The following KLC1 variants were observed in gnomAD, a reference collection of about 807,000 sequenced individuals.
KLC1 encodes kinesin light chain 1.
A neutral mutation model predicts 84.2 loss-of-function variants in KLC1; 30 were observed. That is an observed-to-expected ratio of 0.36 (90% CI 0.27 to 0.48). The LOEUF is 0.48. KLC1 is among the 20% of genes least tolerant of loss of function. The pLI is 0.99. For synonymous variants in KLC1, 289 were observed against 293.3 expected (o/e 0.99, Z 0.15); for missense variants, 499 against 805.4 (o/e 0.62, Z 4.60).
chr14:103,696,816 G>C (rs1260620577), intron 15 of KLC1: 10 of 985,406 alleles, frequency 1.0e-5, no homozygotes, highest in Non-Finnish European at 1.2e-5. Flanking sequence ...TTCAGGGCAA[G>C]ACCCATGGCC....
At chr14:103,650,820 C>G (rs1003575507) in intron 1 of KLC1, among the ~76,000 whole-genome samples, 2 of 151,880 alleles carry the variant, frequency 1.3e-5, no homozygotes, top group African/African-American at 2.4e-5. Context: ...CCTAAGTGAT[C>G]TGCTTACCTG....
intron 1 of KLC1, among the ~76,000 whole-genome samples, chr14:103,640,783 G>C (rs1053241410): frequency 1.3e-5 from 2 of 152,120 alleles, no homozygotes; most frequent in Non-Finnish European, 2.9e-5. Context: ...AATAGTTACA[G>C]ATTTACAGAA....
At chr14:103,697,628 A>C (rs1160686523) in intron 15 of KLC1, 8 of 152,218 alleles carry the variant, frequency 5.3e-5, no homozygotes, top group Non-Finnish European at 4.4e-5. Flanking sequence ...GCATCCATTG[A>C]ACATTTATTT....
At chr14:103,678,846 G>T (rs1390648215) in intron 12 of KLC1, among the ~76,000 whole-genome samples, 1 of 152,116 alleles carries the variant, frequency 6.6e-6, no homozygotes, top group Non-Finnish European at 1.5e-5. Flanking sequence ...TACTGAAGAT[G>T]ATATACAGAT....
chr14:103,670,680 A>ACC (rs1426844500), intron 7 of KLC1, among the ~76,000 whole-genome samples: 77 of 152,000 alleles, frequency 5.1e-4, no homozygotes, highest in Non-Finnish European at 4.6e-4. Context: ...GTTTTGAGAA[A>ACC]TAACCACTGT....
At chr14:103,641,846 A>C (rs1010378722) in intron 1 of KLC1, among the ~76,000 whole-genome samples, 4 of 152,062 alleles carry the variant, frequency 2.6e-5, no homozygotes, top group Admixed American at 6.6e-5. Context: ...GGTCTTGAAC[A>C]CCTGAGCTCA....
At chr14:103,664,404 G>A (rs1245591467) in intron 5 of KLC1, among the ~76,000 whole-genome samples, 2 of 151,816 alleles carry the variant, frequency 1.3e-5, no homozygotes, top group East Asian at 1.9e-4. Context: ...CTTCTGTCTC[G>A]GCCTCCCAAA....
At chr14:103,663,345 G>C (rs1372605713) in intron 5 of KLC1, among the ~76,000 whole-genome samples, 1 of 152,132 alleles carries the variant, frequency 6.6e-6, no homozygotes, top group African/African-American at 2.4e-5. Flanking sequence ...CTCCCAAAAC[G>C]CTGGGATTAC....
chr14:103,629,668 C>T (rs1489640248), intron 1 of KLC1, among the ~76,000 whole-genome samples, 174 bp downstream of exon 1: 4 of 152,078 alleles, frequency 2.6e-5, no homozygotes, highest in African/African-American at 9.7e-5. Flanking sequence ...CCCAGTTCAC[C>T]GCCCCGGCCG....
At position 103,693,310 on chromosome 14, in the gene KLC1, T is replaced by A. The variant is rs2082225301; in HGVS notation, c.1848+885T>A. ...GAGGCTTGTAGGGTGCTGGACATGT[T>A]GCTTGAAGCACCCCTAATGACAAGA... is the stretch of plus-strand genomic sequence containing the variant. On this transcript the variant is annotated intron_variant, in intron 15 of 16. Coordinates refer to ENST00000334553, the MANE Select transcript of KLC1 (RefSeq NM_001394837.1). This position sits in a 1 kb window ranked among gnomAD's most constrained non-coding sequence, Gnocchi z 5.1. Among the ~76,000 whole-genome samples the A allele has an allele frequency of 6.6e-6, 1 of 152,088 alleles. No homozygotes were observed. Among genetic ancestry groups the A allele is most frequent in the Non-Finnish European group, 1.5e-5 (1 of 68,012 alleles).
In KLC1 at chr14:103,700,034, C is replaced by T. The variant is rs935159827; in HGVS notation, c.1849-621C>T. 10 of 267,680 alleles carry T rather than the reference C, an allele frequency of 3.7e-5. No homozygotes were observed. In the East Asian group the frequency reaches 6.5e-4, roughly 17 times the overall value. 16.6% of individuals were successfully genotyped at this position (267,680 alleles called of 1,614,324 possible). A position where few individuals can be genotyped will look rare whatever the true frequency, so the allele number is the denominator to read the frequency against. On this transcript the variant is annotated intron_variant, in intron 15 of 16. Transcript: ENST00000334553. ...GGCCACAGTGCCACCAAAGCCAGCC[C>T]GTGGTGGCCATGACCTCTTCAGACG...
chr14:103,670,317 ATTT>A (rs751576156), intron 7 of KLC1, 34 bp downstream of exon 7: 1 of 1,428,836 alleles, frequency 7.0e-7, no homozygotes, highest in South Asian at 1.2e-5. Context: ...TTTCTTTGAG[ATTT>A]TTGTTTTGTG....
At chr14:103,655,658 G>T (rs2078779992) in intron 2 of KLC1, among the ~76,000 whole-genome samples, 1 of 151,506 alleles carries the variant, frequency 6.6e-6, no homozygotes, top group South Asian at 2.1e-4. Flanking sequence ...GCCCAGGCTG[G>T]AGTGCAATGG....
intron 1 of KLC1, among the ~76,000 whole-genome samples, chr14:103,653,755 G>T (rs998998063): frequency 6.6e-6 from 1 of 152,160 alleles, no homozygotes; most frequent in Non-Finnish European, 1.5e-5. Context: ...CTGTCACTGT[G>T]CCGAAAAAGA....
chr14:103,678,663 C>T (rs915582743), intron 12 of KLC1, among the ~76,000 whole-genome samples: 1 of 150,954 alleles, frequency 6.6e-6, no homozygotes, highest in African/African-American at 2.4e-5. Context: ...GCACTCCAGT[C>T]TGGGCAACAG....
At chr14:103,686,263 C>T in intron 13 of KLC1, 1 of 978,848 alleles carries the variant, frequency 1.0e-6, no homozygotes. Flanking sequence ...TAGAACTTCT[C>T]ACTCTTTATC....
intron 13 of KLC1, among the ~76,000 whole-genome samples, chr14:103,681,840 G>A (rs765264556): frequency 2.0e-5 from 3 of 152,122 alleles, no homozygotes; most frequent in Non-Finnish European, 4.4e-5. Flanking sequence ...CAGTAAAAGG[G>A]GCCCATTTTA....
At position 103,675,707 on chromosome 14, in the gene KLC1, A is replaced by G. The variant is rs779752424; in HGVS notation, c.1330A>G (p.Thr444Ala). 18 of 1,613,376 alleles carry G rather than the reference A, an allele frequency of 1.1e-5. No homozygotes were observed. Among genetic ancestry groups the G allele is most frequent in the Non-Finnish European group, 1.4e-5 (17 of 1,179,486 alleles). Residue 444 changes from threonine (T) to alanine (A), a missense_variant, in exon 11 of 17, where the codon ACA becomes GCA. This residue lies in a region of KLC1 where 153 missense variants were observed against 332.4 expected (regional missense o/e 0.46). Coordinates refer to ENST00000334553, the MANE Select transcript of KLC1 (RefSeq NM_001394837.1). ...AATTTAGGGAAAGCAAAAGGATGGGACATCTTTTGGAGAGTATGGCGGCTG... is the reference window on the plus strand; with the variant it reads ...AATTTAGGGAAAGCAAAAGGATGGGGCATCTTTTGGAGAGTATGGCGGCTG... ...EECKGKQKDG[T>A]SFGEYGGWYK...
intron 1 of KLC1, among the ~76,000 whole-genome samples, chr14:103,631,122 C>T (rs2076646771): frequency 6.6e-6 from 1 of 151,916 alleles, no homozygotes; most frequent in African/African-American, 2.4e-5. Context: ...GCTCTGTCGC[C>T]CGGGCTGGAG....
Sources: allele counts gnomAD v4.1 joint callset (sites outside exome capture counted in the v4.1 genomes callset), GRCh38; gene constraint gnomAD v4.1.1; regional missense constraint gnomAD v4.1.1; non-coding constraint Gnocchi (gnomAD v3.1); transcripts MANE v1.5; gene names NCBI Gene and HGNC (gene_info 2026-07-23, HGNC 2026-07-21).